SSBP2: variants seen among roughly 807,000 people sequenced by gnomAD.
The protein encoded by SSBP2 is single-stranded DNA-binding protein 2.
Under a neutral mutation model 61.8 loss-of-function variants are expected in SSBP2, and 17 were observed. That is an observed-to-expected ratio of 0.28 (90% CI 0.19 to 0.41). SSBP2 has a LOEUF of 0.41. Among genes scored for constraint, SSBP2 ranks in the 10% least tolerant of loss-of-function variants. The probability of loss-of-function intolerance (pLI) is 1.00; values close to 1 mark genes in which losing one functional copy is unlikely to be tolerated. For missense variants in SSBP2, 310 were observed against 458.7 expected (o/e 0.68, Z 2.96); for synonymous variants, 139 against 141.3 (o/e 0.98, Z 0.12).
chr5:81,612,182 A>C (rs1361329161), intron 4 of SSBP2, among the ~76,000 whole-genome samples: 5 of 152,154 alleles, frequency 3.3e-5, no homozygotes, highest in African/African-American at 1.2e-4. Context: ...AACGTGGTTA[A>C]AAATAAATTT....
intron 1 of SSBP2, chr5:81,750,590 G>T: frequency 6.0e-6 from 1 of 167,190 alleles, no homozygotes; most frequent in Non-Finnish European, 1.3e-5. Flanking sequence ...CTTCCTCCAC[G>T]CAGCTGCCCC....
At chr5:81,665,674 T>C (rs438128) in intron 1 of SSBP2, among the ~76,000 whole-genome samples, 2 of 151,858 alleles carry the variant, frequency 1.3e-5, no homozygotes, top group Non-Finnish European at 2.9e-5. Flanking sequence ...TTTATTATTA[T>C]TAGTAGTAGT....
At chr5:81,614,233 G>T (rs10069014) in intron 4 of SSBP2, among the ~76,000 whole-genome samples, 2 of 151,996 alleles carry the variant, frequency 1.3e-5, no homozygotes, top group African/African-American at 4.8e-5. Flanking sequence ...GTTGGCGGGC[G>T]CCTGTAATCC....
intron 1 of SSBP2, among the ~76,000 whole-genome samples, chr5:81,671,684 G>A (rs1561676704): frequency 1.3e-5 from 2 of 151,904 alleles, no homozygotes; most frequent in South Asian, 2.1e-4. Flanking sequence ...AAAATCTTAA[G>A]AAAAAAACAA....
At chr5:81,616,937 C>T (rs570751133) in intron 3 of SSBP2, among the ~76,000 whole-genome samples, 8 of 147,870 alleles carry the variant, frequency 5.4e-5, no homozygotes, top group East Asian at 2.0e-4. Flanking sequence ...ACATCTACAC[C>T]GAAAACCCAT....
rs75807611 is a variant in SSBP2, at chr5:81,524,578, C to T, written c.283-10861G>A. ...GAGGTATCTAGAAACTAGTAAACTA[C>T]GGATCCTAAAACGTTACTGTACTTG... On this transcript the variant is annotated intron_variant, in intron 4 of 16. Transcript: ENST00000320672. Among the ~76,000 whole-genome samples, 1,186 of 152,132 alleles carry T rather than the reference C, an allele frequency of 7.8e-3. 12 individuals are homozygous for T. Among genetic ancestry groups the T allele is most frequent in the African/African-American group, 0.027 (1,110 of 41,532 alleles).
At chr5:81,624,977 G>C (rs1746992618) in intron 3 of SSBP2, among the ~76,000 whole-genome samples, 1 of 152,098 alleles carries the variant, frequency 6.6e-6, no homozygotes, top group South Asian at 2.1e-4. Context: ...TCCAAAACTA[G>C]TGATGAATTC....
At chr5:81,568,212 G>T (rs535986714) in intron 4 of SSBP2, among the ~76,000 whole-genome samples, 2 of 152,098 alleles carry the variant, frequency 1.3e-5, no homozygotes, top group Admixed American at 1.3e-4. Flanking sequence ...TAATTCCCAC[G>T]TATTGTGGAA....
At chr5:81,512,903 T>A (rs914170425) in intron 5 of SSBP2, among the ~76,000 whole-genome samples, 5 of 152,116 alleles carry the variant, frequency 3.3e-5, no homozygotes. Flanking sequence ...CCTAAGTTCT[T>A]AATTTTCTTA....
At chr5:81,643,973 C>T (rs1749046370) in intron 2 of SSBP2, among the ~76,000 whole-genome samples, 1 of 152,148 alleles carries the variant, frequency 6.6e-6, no homozygotes, top group Non-Finnish European at 1.5e-5. Context: ...GCTGACTATA[C>T]TTTGAAGCAG....
At chr5:81,633,101 CCT>C (rs1446430762) in intron 3 of SSBP2, among the ~76,000 whole-genome samples, 4 of 145,810 alleles carry the variant, frequency 2.7e-5, no homozygotes, top group South Asian at 2.2e-4. Context: ...TTTAGCTGAG[CCT>C]CTGTCTTTTT....
Position 81,687,176 on chromosome 5 carries a change from C to A in SSBP2, c.63-36837G>T, listed in dbSNP as rs1283075257. ...GCAGCGGCCGCATGGTACGGAGAATCTGTGCCATTGTGGGAGGGAGAGCAC... is the reference window on the plus strand; with the variant it reads ...GCAGCGGCCGCATGGTACGGAGAATATGTGCCATTGTGGGAGGGAGAGCAC... On this transcript the variant is annotated intron_variant, in intron 1 of 16. Transcript: ENST00000320672. Among the ~76,000 whole-genome samples the A allele has an allele frequency of 3.9e-5, 6 of 152,372 alleles. No homozygotes were observed. In the South Asian group the frequency reaches 6.2e-4, roughly 16 times the overall value.
chr5:81,698,449 A>G (rs1049707588), intron 1 of SSBP2, among the ~76,000 whole-genome samples: 11 of 152,194 alleles, frequency 7.2e-5, no homozygotes, highest in Non-Finnish European at 1.5e-4. Flanking sequence ...TTAACAAATA[A>G]CTCATTTTCA....
intron 4 of SSBP2, among the ~76,000 whole-genome samples, chr5:81,531,911 A>G (rs1770441860): frequency 6.6e-6 from 1 of 152,132 alleles, no homozygotes; most frequent in Admixed American, 6.6e-5. Context: ...CTACTGGAGA[A>G]GAAAGCAGAA....
intron 1 of SSBP2, among the ~76,000 whole-genome samples, chr5:81,664,858 C>T (rs1229271160): frequency 1.3e-5 from 2 of 152,070 alleles, no homozygotes; most frequent in Non-Finnish European, 2.9e-5. Context: ...AGGAAGTCTG[C>T]CAAAGATCAG....
intron 8 of SSBP2, among the ~76,000 whole-genome samples, chr5:81,469,947 G>A (rs1765140420): frequency 1.3e-5 from 2 of 151,828 alleles, no homozygotes; most frequent in Admixed American, 6.6e-5. Context: ...ACTCTGCTTG[G>A]AAAGTTTATA....
chr5:81,721,302 A>G (rs1755527004), intron 1 of SSBP2, among the ~76,000 whole-genome samples: 1 of 152,102 alleles, frequency 6.6e-6, no homozygotes, highest in African/African-American at 2.4e-5. Flanking sequence ...ATGTCCCCGA[A>G]TATCTTTCCT....
Position 81,427,608 on chromosome 5 carries a change from C to T in SSBP2, c.1056+977G>A, listed in dbSNP as rs139493389. On this transcript the variant is annotated intron_variant, in intron 16 of 16. Transcript: ENST00000320672. ...CTGATGGTATCACCTCTGGTAAATG[C>T]TGAGTTGGGCAAAATGAGGGTAGTC... Among the ~76,000 whole-genome samples, 453 of 152,266 alleles carry T rather than the reference C, an allele frequency of 3.0e-3. 2 individuals carry two copies. The highest frequency in any genetic ancestry group is 0.011 in the African/African-American group (444 of 41,558).
At chr5:81,564,015 A>G (rs1361278438) in intron 4 of SSBP2, among the ~76,000 whole-genome samples, 1 of 152,228 alleles carries the variant, frequency 6.6e-6, no homozygotes, top group Non-Finnish European at 1.5e-5. Context: ...CCCAAAATAT[A>G]TAAGGAACCC....
Sources: gnomAD v4.1 joint callset for allele counts (sites outside exome capture counted in the v4.1 genomes callset) on GRCh38, gnomAD v4.1.1 for gene constraint, MANE v1.5 for transcripts, NCBI Gene and HGNC (gene_info 2026-07-23, HGNC 2026-07-21) for gene names.